Variants in ADAM12 observed in about 807,000 individuals in gnomAD.
ADAM12 encodes ADAM metallopeptidase domain 12.
A neutral mutation model predicts 106.4 loss-of-function variants in ADAM12; 70 were observed. That is an observed-to-expected ratio of 0.66 (90% CI 0.54 to 0.80). The LOEUF (loss-of-function observed/expected upper bound fraction) is 0.80, where lower values mean the gene tolerates loss of function less well. Among genes scored for constraint, ADAM12 ranks in the 30% least tolerant of loss-of-function variants. ADAM12 has a pLI of 0.00. For missense variants in ADAM12, 1,010 were observed against 1,171.9 expected (o/e 0.86, Z 2.02); for synonymous variants, 420 against 433.5 (o/e 0.97, Z 0.39).
At chr10:126,077,328 CCAAAG>C (rs1258307499) in intron 11 of ADAM12, among the ~76,000 whole-genome samples, 1 of 151,978 alleles carries the variant, frequency 6.6e-6, no homozygotes, top group Non-Finnish European at 1.5e-5. Flanking sequence ...TTCATACTAC[CCAAAG>C]CAATGTACAG....
At chr10:126,172,559 C>T (rs1957138299) in intron 3 of ADAM12, among the ~76,000 whole-genome samples, 1 of 152,168 alleles carries the variant, frequency 6.6e-6, no homozygotes, top group African/African-American at 2.4e-5. Flanking sequence ...TGATGAGATA[C>T]CATCTCATGC....
chr10:126,192,388 C>A (rs979059638), intron 3 of ADAM12, among the ~76,000 whole-genome samples: 2 of 152,212 alleles, frequency 1.3e-5, no homozygotes, highest in African/African-American at 2.4e-5. Flanking sequence ...GCTGGAGGCA[C>A]CCCTGTCCTG....
At chr10:126,346,422 G>T (rs1437712975) in intron 1 of ADAM12, among the ~76,000 whole-genome samples, 1 of 152,206 alleles carries the variant, frequency 6.6e-6, no homozygotes, top group Non-Finnish European at 1.5e-5. Context: ...TACATTTGCT[G>T]AGGAGTGCTT....
chr10:126,153,369 C>A (rs1956761853), intron 4 of ADAM12, among the ~76,000 whole-genome samples: 1 of 152,144 alleles, frequency 6.6e-6, no homozygotes, highest in Non-Finnish European at 1.5e-5. Context: ...AGCAGCTGTC[C>A]TGGAGTATGT....
In ADAM12 at chr10:126,049,900, G is replaced by T. The variant is rs1400239192; in HGVS notation, c.1610-231C>A. On this transcript the variant is annotated intron_variant, in intron 14 of 22. Coordinates refer to ENST00000448723, the MANE Select transcript of ADAM12 (RefSeq NM_001288973.2). The surrounding 1 kb of genome is among the most constrained non-coding windows in gnomAD (Gnocchi z 4.4). ...ATGTTCCAATGCTTACTCTTCCTTA[G>T]GTCTGCTCTCTGGGCTTGTGGCATG... is the stretch of plus-strand genomic sequence containing the variant. 1.3e-5 allele frequency among the ~76,000 whole-genome samples: 2 copies of T among 152,228 alleles called. No homozygotes were observed. The highest frequency in any genetic ancestry group is 1.9e-4 in the East Asian group (1 of 5,164).
intron 3 of ADAM12, among the ~76,000 whole-genome samples, chr10:126,266,706 C>T (rs962989148): frequency 5.3e-5 from 8 of 152,160 alleles, no homozygotes; most frequent in South Asian, 2.1e-4. Context: ...AGCTTCTGCT[C>T]GGCTTCTGAG....
At chr10:126,157,803 G>A (rs1490721840) in intron 3 of ADAM12, among the ~76,000 whole-genome samples, 1 of 151,600 alleles carries the variant, frequency 6.6e-6, no homozygotes, top group African/African-American at 2.4e-5. Context: ...GGGCTGCCTG[G>A]GCAGGCTCAT....
At chr10:126,068,856 C>T (rs1391041440) in intron 12 of ADAM12, among the ~76,000 whole-genome samples, 2 of 152,208 alleles carry the variant, frequency 1.3e-5, no homozygotes, top group African/African-American at 4.8e-5. Flanking sequence ...TTGTCATTCT[C>T]AGGTTGTAGG....
At chr10:126,115,627 G>T (rs1955967586) in intron 6 of ADAM12, among the ~76,000 whole-genome samples, 3 of 152,174 alleles carry the variant, frequency 2.0e-5, no homozygotes, top group East Asian at 1.9e-4. Context: ...GCAAACATCT[G>T]CAGAAAAATC....
chr10:126,194,278 CAAAAAAAAAAA>C (rs35778124), intron 3 of ADAM12, among the ~76,000 whole-genome samples: 5 of 58,080 alleles, frequency 8.6e-5, no homozygotes, highest in African/African-American at 2.7e-4. Flanking sequence ...TTCATATGCT[CAAAAAAAAAAA>C]AAAAAAAAAA....
At chr10:126,182,272 C>A (rs1013567601) in intron 3 of ADAM12, among the ~76,000 whole-genome samples, 1 of 152,158 alleles carries the variant, frequency 6.6e-6, no homozygotes, top group Non-Finnish European at 1.5e-5. Context: ...ATATCTATCA[C>A]AGCACAGCAT....
chr10:126,239,914 G>A (rs1958489756), intron 3 of ADAM12, among the ~76,000 whole-genome samples: 1 of 152,186 alleles, frequency 6.6e-6, no homozygotes, highest in African/African-American at 2.4e-5. Flanking sequence ...AGCTCTGGTT[G>A]GTGTGGCTTC....
chr10:126,043,706 G>T lies in ADAM12; in HGVS notation c.1996-558C>A, dbSNP rs1444587263. 6.6e-6 allele frequency among the ~76,000 whole-genome samples: 1 copy of T among 152,250 alleles called. No individual in the cohort carries two copies. Among genetic ancestry groups the T allele is most frequent in the Admixed American group, 6.5e-5 (1 of 15,294 alleles). ...CTGTTTCCTGCAATCCTAGCAGGGT[G>T]CATGGGATTTCCACTAATACTTCCT... On this transcript the variant is annotated intron_variant, in intron 17 of 22. Transcript: ENST00000448723. This position sits in a 1 kb window ranked among gnomAD's most constrained non-coding sequence, Gnocchi z 4.1.
At chr10:126,020,992 C>CAAAAAAA (rs3067295) in intron 21 of ADAM12, among the ~76,000 whole-genome samples, 48 of 98,334 alleles carry the variant, frequency 4.9e-4, no homozygotes, top group African/African-American at 1.7e-3. Flanking sequence ...GACTCTGTCT[C>CAAAAAAA]AAAAAAAAAA....
intron 1 of ADAM12, among the ~76,000 whole-genome samples, chr10:126,386,069 T>A (rs903913621): frequency 6.6e-6 from 1 of 151,838 alleles, no homozygotes; most frequent in African/African-American, 2.4e-5. Flanking sequence ...ACTTAGGAGG[T>A]TGGTGGCTTA....
intron 5 of ADAM12, among the ~76,000 whole-genome samples, chr10:126,118,945 CTT>C (rs1377866484): frequency 1.3e-5 from 2 of 152,304 alleles, no homozygotes; most frequent in East Asian, 3.9e-4. Context: ...ATTAGGAAAT[CTT>C]TTTATAAAAG....
intron 1 of ADAM12, among the ~76,000 whole-genome samples, chr10:126,385,678 C>T (rs1856637854): frequency 6.6e-6 from 1 of 151,720 alleles, no homozygotes; most frequent in Non-Finnish European, 1.5e-5. Flanking sequence ...TTAATGATGG[C>T]ACTACTATAT....
chr10:126,090,191 C>T (rs1955435645), intron 11 of ADAM12, among the ~76,000 whole-genome samples: 1 of 151,996 alleles, frequency 6.6e-6, no homozygotes, highest in South Asian at 2.1e-4. Flanking sequence ...ACAGCTGTGT[C>T]CCTAACACCT....
intron 2 of ADAM12, among the ~76,000 whole-genome samples, chr10:126,281,429 T>A (rs1262217457): frequency 6.6e-6 from 1 of 152,186 alleles, no homozygotes; most frequent in African/African-American, 2.4e-5. Flanking sequence ...CCCAAAGAAT[T>A]GAGGTAGTTT....
Sources: allele counts gnomAD v4.1 joint callset (sites outside exome capture counted in the v4.1 genomes callset), GRCh38; gene constraint gnomAD v4.1.1; non-coding constraint Gnocchi (gnomAD v3.1); transcripts MANE v1.5; gene names NCBI Gene and HGNC (gene_info 2026-07-23, HGNC 2026-07-21).